The following TIAM1 variants were observed in gnomAD, a reference collection of about 807,000 sequenced individuals.
TIAM1 encodes the protein TIAM Rac1 associated GEF 1.
A neutral mutation model predicts 163.5 loss-of-function variants in TIAM1; 65 were observed. The ratio of observed to expected loss-of-function variants is 0.40; its 90% confidence interval spans 0.33 to 0.49. TIAM1 has a LOEUF of 0.49. Ranked by LOEUF, TIAM1 falls within the 20% of genes least tolerant of loss-of-function variation. The pLI is 0.77. For synonymous variants in TIAM1, 833 were observed against 810.1 expected, an observed-to-expected ratio of 1.03 and a Z score of -0.48; for missense variants, 1,789 against 2,044.7, an observed-to-expected ratio of 0.87 and a Z score of 2.41.
At chr21:31,446,660 C>G (rs1218597506) in intron 2 of TIAM1, among the ~76,000 whole-genome samples, 1 of 152,080 alleles carries the variant, frequency 6.6e-6, no homozygotes, top group Admixed American at 6.6e-5. Context: ...CGATGGGAGA[C>G]AGTCACTCAC....
At chr21:31,475,979 CCTG>C (rs1403636515) in intron 1 of TIAM1, among the ~76,000 whole-genome samples, 1 of 152,156 alleles carries the variant, frequency 6.6e-6, no homozygotes, top group African/African-American at 2.4e-5. Flanking sequence ...CTGCCTACTG[CCTG>C]CTTACACAGC....
At chr21:31,411,101 A>C (rs1641744701) in intron 2 of TIAM1, among the ~76,000 whole-genome samples, 1 of 152,120 alleles carries the variant, frequency 6.6e-6, no homozygotes, top group Non-Finnish European at 1.5e-5. Context: ...CAATCATAAA[A>C]GCACCCCCAC....
At chr21:31,399,177 C>G (rs2077123648) in intron 2 of TIAM1, among the ~76,000 whole-genome samples, 1 of 151,920 alleles carries the variant, frequency 6.6e-6, no homozygotes, top group Non-Finnish European at 1.5e-5. Flanking sequence ...TATTATAAAT[C>G]TTACTTTGAC....
At chr21:31,430,337 G>A (rs2043982021) in intron 2 of TIAM1, among the ~76,000 whole-genome samples, 2 of 147,752 alleles carry the variant, frequency 1.4e-5, no homozygotes, top group East Asian at 2.0e-4. Context: ...GCGCCTCACC[G>A]AACCCAAACT....
intron 2 of TIAM1, among the ~76,000 whole-genome samples, chr21:31,376,875 T>C (rs567712385): frequency 1.2e-3 from 179 of 152,058 alleles, no homozygotes; most frequent in African/African-American, 4.1e-3. Flanking sequence ...ATTTTATTTT[T>C]TGAATCAGAG....
intron 19 of TIAM1, among the ~76,000 whole-genome samples, 192 bp from the exon 20 acceptor site, chr21:31,147,195 T>G (rs908506335): frequency 3.9e-5 from 6 of 152,188 alleles, no homozygotes; most frequent in Non-Finnish European, 7.4e-5. Context: ...TACAAGTTTG[T>G]GTAAAAGGTG....
At chr21:31,131,696 C>G (rs2082416810) in intron 23 of TIAM1, among the ~76,000 whole-genome samples, 1 of 152,190 alleles carries the variant, frequency 6.6e-6, no homozygotes, top group African/African-American at 2.4e-5. Context: ...GTCCTTTGTT[C>G]TCTGTGTCAG....
intron 2 of TIAM1, among the ~76,000 whole-genome samples, chr21:31,368,590 C>T (rs1395230221): frequency 4.6e-5 from 7 of 152,232 alleles, no homozygotes; most frequent in Non-Finnish European, 5.9e-5. Context: ...TTCAAGAAAG[C>T]GTACAGGCTT....
chr21:31,382,765 T>TA (rs1188713054), intron 2 of TIAM1, among the ~76,000 whole-genome samples: 5 of 152,164 alleles, frequency 3.3e-5, no homozygotes, highest in Non-Finnish European at 4.4e-5. Context: ...GCAAACAAAC[T>TA]AAAAAAATTA....
At chr21:31,257,879 C>G (rs138748874) in intron 4 of TIAM1, among the ~76,000 whole-genome samples, 1 of 152,160 alleles carries the variant, frequency 6.6e-6, no homozygotes, top group East Asian at 1.9e-4. Flanking sequence ...GCCAACCTCT[C>G]CACAGCATCT....
intron 1 of TIAM1, among the ~76,000 whole-genome samples, chr21:31,543,524 C>T (rs1310280128): frequency 3.5e-5 from 5 of 142,936 alleles, no homozygotes; most frequent in African/African-American, 5.0e-5. Context: ...AACATTGTAA[C>T]GATTCAGAAG....
chr21:31,347,588 G>A (rs771636088), upstream of TIAM1, among the ~76,000 whole-genome samples: 1 of 152,198 alleles, frequency 6.6e-6, no homozygotes, highest in Non-Finnish European at 1.5e-5. Flanking sequence ...ATACACAAAT[G>A]TACAGTATTT....
intron 22 of TIAM1, among the ~76,000 whole-genome samples, chr21:31,139,539 G>A (rs1287248158): frequency 1.3e-5 from 2 of 151,990 alleles, no homozygotes; most frequent in Non-Finnish European, 2.9e-5. Flanking sequence ...CCAAAATATG[G>A]TAAGTTCTAT....
At chr21:31,534,948 T>G (rs2048080271) in intron 1 of TIAM1, among the ~76,000 whole-genome samples, 1 of 151,936 alleles carries the variant, frequency 6.6e-6, no homozygotes, top group South Asian at 2.1e-4. Flanking sequence ...CTACAAAAAA[T>G]TAGGCAGGTG....
chr21:31,131,534 G>A (rs1428460387), intron 23 of TIAM1, among the ~76,000 whole-genome samples: 1 of 152,150 alleles, frequency 6.6e-6, no homozygotes, highest in Non-Finnish European at 1.5e-5. Flanking sequence ...ATTCTTTCGG[G>A]GGTGGGGAGA....
chr21:31,439,631 C>T (rs77407238), intron 2 of TIAM1, among the ~76,000 whole-genome samples: 2,454 of 152,260 alleles, frequency 0.016, 77 homozygotes, highest in African/African-American at 0.055. Flanking sequence ...TAACATCCTA[C>T]GAAATGATCC....
intron 2 of TIAM1, among the ~76,000 whole-genome samples, chr21:31,422,082 C>T (rs541558953): frequency 2.0e-5 from 3 of 152,280 alleles, no homozygotes; most frequent in Non-Finnish European, 4.4e-5. Context: ...AACACCTTGA[C>T]TTCAGGCTTC....
chr21:31,446,742 C>T (rs2044639109), intron 2 of TIAM1, among the ~76,000 whole-genome samples: 1 of 152,188 alleles, frequency 6.6e-6, no homozygotes, highest in African/African-American at 2.4e-5. Context: ...CCGGGCCACG[C>T]TCAGCCAACC....
intron 2 of TIAM1, among the ~76,000 whole-genome samples, chr21:31,412,945 C>T (rs890251050): frequency 6.6e-6 from 1 of 152,160 alleles, no homozygotes; most frequent in African/African-American, 2.4e-5. Context: ...ATACCTCCTG[C>T]TGCGTGGCCT....
Sources: allele counts gnomAD v4.1 joint callset (sites outside exome capture counted in the v4.1 genomes callset), GRCh38; gene constraint gnomAD v4.1.1; transcripts MANE v1.5; gene names NCBI Gene and HGNC (gene_info 2026-07-23, HGNC 2026-07-21).